The following PCOLCE2 variants were observed in gnomAD, a reference collection of about 807,000 sequenced individuals.
PCOLCE2 encodes procollagen C-endopeptidase enhancer 2, also known as procollagen C-proteinase enhancer 2.
In PCOLCE2, 42 loss-of-function variants were observed where a neutral mutation model predicts 47.0. The observed-to-expected ratio is 0.89, with a 90% CI of 0.70 to 1.16. The LOEUF is 1.16. Ranked by LOEUF, PCOLCE2 falls within the 50% of genes most tolerant of loss-of-function variation. PCOLCE2 has a pLI of 0.00. For synonymous variants in PCOLCE2, 169 were observed against 191.7 expected, an observed-to-expected ratio of 0.88 and a Z score of 0.98; for missense variants, 500 against 526.1, an observed-to-expected ratio of 0.95 and a Z score of 0.49.
chr3:142,840,018 T>C (rs1480968616), intron 4 of PCOLCE2, among the ~76,000 whole-genome samples: 1 of 152,106 alleles, frequency 6.6e-6, no homozygotes, highest in Non-Finnish European at 1.5e-5. Flanking sequence ...GTGGATAGAG[T>C]TGTTCCCCTT....
chr3:142,823,975 T>A (rs2108184217), intron 6 of PCOLCE2, among the ~76,000 whole-genome samples: 1 of 152,326 alleles, frequency 6.6e-6, no homozygotes, highest in African/African-American at 2.4e-5. Context: ...ACTCACAGAA[T>A]GTAGGTTAAT....
chr3:142,887,467 G>A, intron 2 of PCOLCE2: 2 of 496,326 alleles, frequency 4.0e-6, no homozygotes, highest in African/African-American at 2.0e-5. Flanking sequence ...ATTATCTTGT[G>A]CCCTTTGTAA....
intron 6 of PCOLCE2, 114 bp from the exon 7 acceptor site, chr3:142,823,729 T>C: frequency 1.5e-6 from 1 of 656,114 alleles, no homozygotes. Flanking sequence ...CACCAATCTA[T>C]CACTACAAAG....
chr3:142,857,876 C>T (rs1560137141), intron 2 of PCOLCE2, among the ~76,000 whole-genome samples: 1 of 152,224 alleles, frequency 6.6e-6, no homozygotes, highest in Non-Finnish European at 1.5e-5. Context: ...TGGGCCCACC[C>T]CAGGCTAACA....
At chr3:142,868,110 A>C (rs1305652800) in intron 2 of PCOLCE2, among the ~76,000 whole-genome samples, 1 of 152,212 alleles carries the variant, frequency 6.6e-6, no homozygotes, top group Admixed American at 6.5e-5. Flanking sequence ...TAAAATAATC[A>C]AATATTTGTT....
chr3:142,823,507 A>G (rs1560128888), intron 7 of PCOLCE2, 25 bp downstream of exon 7: 1 of 1,431,858 alleles, frequency 7.0e-7, no homozygotes, highest in East Asian at 2.3e-5. Flanking sequence ...GGTTAAAGAG[A>G]AAAAGACTGG....
At chr3:142,876,194 C>T (rs1041902280) in intron 2 of PCOLCE2, among the ~76,000 whole-genome samples, 9 of 152,178 alleles carry the variant, frequency 5.9e-5, no homozygotes, top group South Asian at 2.1e-4. Flanking sequence ...AGTGCAGGGA[C>T]CTTCTCACTG....
At chr3:142,855,674 A>C (rs1418002996) in intron 2 of PCOLCE2, among the ~76,000 whole-genome samples, 6 of 152,194 alleles carry the variant, frequency 3.9e-5, no homozygotes, top group African/African-American at 1.2e-4. Flanking sequence ...GTCCTGGTCA[A>C]TGGAATGTAG....
chr3:142,826,969 C>T (rs1937086975), intron 6 of PCOLCE2: 1 of 539,430 alleles, frequency 1.9e-6, no homozygotes, highest in Non-Finnish European at 3.3e-6. Flanking sequence ...ATCTCCGCGC[C>T]TCTCCTCCTC....
At chr3:142,825,051 A>T (rs28572271) in intron 6 of PCOLCE2, among the ~76,000 whole-genome samples, 5,380 of 152,284 alleles carry the variant, frequency 0.035, 327 homozygotes, top group African/African-American at 0.12. Flanking sequence ...ATGCATTTTT[A>T]AAAAAGGGAG....
At chr3:142,879,996 T>C (rs1184935740) in intron 2 of PCOLCE2, among the ~76,000 whole-genome samples, 1 of 145,758 alleles carries the variant, frequency 6.9e-6, no homozygotes, top group Admixed American at 6.8e-5. Flanking sequence ...AAAAAAGGAA[T>C]TGTAAAGTTT....
rs766615482 is a variant in PCOLCE2, at chr3:142,887,792, G to C, written c.84-15C>G. On this transcript the variant is annotated splice_polypyrimidine_tract_variant and intron_variant, in intron 1 of 8. Coordinates refer to ENST00000295992, the MANE Select transcript of PCOLCE2 (RefSeq NM_013363.4). ...TGAAAACAGGTCTGGGAACATAAAA[G>C]AAGAAAAGATAATGTAATTTGAAAC... 1 of 1,363,250 alleles carries C rather than the reference G, an allele frequency of 7.3e-7. No individual in the cohort carries two copies. The highest frequency in any genetic ancestry group is 2.3e-5 in the East Asian group (1 of 43,696). 84.4% of individuals were successfully genotyped at this position (1,363,250 alleles called of 1,614,324 possible).
chr3:142,852,533 A>G (rs557267519), intron 2 of PCOLCE2, among the ~76,000 whole-genome samples: 124 of 152,006 alleles, frequency 8.2e-4, no homozygotes, highest in African/African-American at 2.9e-3. Context: ...TAAATAAAAC[A>G]TTTCAGATAA....
At chr3:142,873,348 G>GCACCA (rs1352175310) in intron 2 of PCOLCE2, among the ~76,000 whole-genome samples, 37 of 145,376 alleles carry the variant, frequency 2.5e-4, no homozygotes, top group Admixed American at 7.7e-4. Flanking sequence ...AGACAAGATC[G>GCACCA]CACCATTGCA....
At chr3:142,827,278 T>C in intron 6 of PCOLCE2, 1 of 1,292,024 alleles carries the variant, frequency 7.7e-7, no homozygotes, top group Non-Finnish European at 1.1e-6. Flanking sequence ...CCCATACTCG[T>C]GGCCACCAGT....
intron 2 of PCOLCE2, among the ~76,000 whole-genome samples, chr3:142,870,961 T>C (rs1042326866): frequency 2.0e-5 from 3 of 152,162 alleles, no homozygotes; most frequent in African/African-American, 7.2e-5. Context: ...AAAGTCATAT[T>C]TGGAACAGCA....
intron 2 of PCOLCE2, among the ~76,000 whole-genome samples, chr3:142,877,370 C>G (rs6782342): frequency 0.098 from 14,935 of 152,152 alleles, 1,171 homozygotes; most frequent in African/African-American, 0.22. Flanking sequence ...ATGGGAACTC[C>G]CCATGCTCCA....
chr3:142,826,510 T>G (rs1468041592), intron 6 of PCOLCE2, among the ~76,000 whole-genome samples: 1 of 152,212 alleles, frequency 6.6e-6, no homozygotes, highest in African/African-American at 2.4e-5. Flanking sequence ...TCCTTCTCAG[T>G]TTATTCCTTC....
chr3:142,881,082 A>G (rs1933602766), intron 2 of PCOLCE2, among the ~76,000 whole-genome samples: 1 of 152,172 alleles, frequency 6.6e-6, no homozygotes, highest in African/African-American at 2.4e-5. Context: ...CAAGATTATA[A>G]ACTCCCTGAG....
Sources: allele counts gnomAD v4.1 joint callset (sites outside exome capture counted in the v4.1 genomes callset), GRCh38; gene constraint gnomAD v4.1.1; transcripts MANE v1.5; gene names NCBI Gene and HGNC (gene_info 2026-07-23, HGNC 2026-07-21).